Variants in AKIP1 observed in about 807,000 individuals in gnomAD.
AKIP1 encodes A-kinase interacting protein 1, also known as A-kinase-interacting protein 1.
A neutral mutation model predicts 22.3 loss-of-function variants in AKIP1; 18 were observed. The observed-to-expected ratio is 0.81, with a 90% confidence interval of 0.56 to 1.19. AKIP1 has a LOEUF of 1.19. Among genes scored for constraint, AKIP1 ranks in the 50% most tolerant of loss-of-function variants. AKIP1 has a pLI of 0.00. For missense variants in AKIP1, 287 were observed against 264.6 expected, an observed-to-expected ratio of 1.08 and a Z score of -0.59; for synonymous variants, 120 against 102.7, an observed-to-expected ratio of 1.17 and a Z score of -1.02.
intron 3 of AKIP1, among the ~76,000 whole-genome samples, chr11:8,914,259 T>C (rs2064442922): frequency 6.6e-6 from 1 of 152,186 alleles, no homozygotes; most frequent in Non-Finnish European, 1.5e-5. Context: ...ACAAGAGAAA[T>C]GTAACTGTTT....
intron 2 of AKIP1, 35 bp from the exon 3 acceptor site, chr11:8,912,418 A>C: frequency 6.0e-4 from 930 of 1,542,802 alleles, no homozygotes; most frequent in Non-Finnish European, 7.5e-4. Flanking sequence ...AGGGAATCCT[A>C]GAGCTAACCT....
At chr11:8,915,358 C>CTTTT (rs559350653) in intron 4 of AKIP1, among the ~76,000 whole-genome samples, 5 of 83,982 alleles carry the variant, frequency 6.0e-5, no homozygotes, top group African/African-American at 2.3e-4. Context: ...TTTTTTTTTT[C>CTTTT]TTTTTTTTTT....
chr11:8,912,641 G>T, intron 3 of AKIP1, 108 bp downstream of exon 3: 1 of 973,312 alleles, frequency 1.0e-6, no homozygotes. Flanking sequence ...CTCCTGCCCA[G>T]CCTTCACGGT....
At chr11:8,913,339 C>A (rs548769319) in intron 3 of AKIP1, among the ~76,000 whole-genome samples, 2 of 152,130 alleles carry the variant, frequency 1.3e-5, no homozygotes, top group African/African-American at 4.8e-5. Flanking sequence ...AGGCACATGC[C>A]ACCATGCCTG....
Position 8,911,675 on chromosome 11 carries a change from A to G in AKIP1, c.222+4A>G. On this transcript the variant is annotated splice_donor_region_variant and intron_variant, in intron 2 of 5. Transcript: ENST00000309377. Reference sequence around the variant, plus strand: ...GCAGCGCGTTCTCCCGGGAGAGGTGAGGGTCGCTGTGCCGGGGGCCGCCCC... The same window carrying G: ...GCAGCGCGTTCTCCCGGGAGAGGTGGGGGTCGCTGTGCCGGGGGCCGCCCC... 1 of 1,523,548 alleles carries G rather than the reference A, an allele frequency of 6.6e-7. No homozygotes were observed. Among genetic ancestry groups the G allele is most frequent in the Non-Finnish European group, 8.8e-7 (1 of 1,138,054 alleles). The allele number at this position is 1,523,548 out of a possible 1,614,324, so 94.4% of individuals were successfully genotyped here.
At position 8,911,223 on chromosome 11, in the gene AKIP1, G is replaced by A. The variant is rs994183739; in HGVS notation, c.-7G>A. On this transcript the variant is annotated splice_region_variant and 5_prime_UTR_variant, in exon 1 of 6. Transcript: ENST00000309377. ...CGCATGCGCCTTGACGAGTGAGCCG[G>A]GTGAGGGGGCTCCCTAAGTAGCGGA... 3 of 561,794 alleles carry A rather than the reference G, an allele frequency of 5.3e-6. 1 individual carries two copies. The highest frequency in any genetic ancestry group is 9.5e-6 in the Non-Finnish European group (3 of 317,140). 34.8% of individuals were successfully genotyped at this position (561,794 alleles called of 1,614,324 possible).
chr11:8,916,297 G>A (rs1384376150), intron 4 of AKIP1, among the ~76,000 whole-genome samples: 1 of 152,200 alleles, frequency 6.6e-6, no homozygotes, highest in Non-Finnish European at 1.5e-5. Context: ...CAAGGGAAGT[G>A]TGGGGACGGG....
intron 3 of AKIP1, among the ~76,000 whole-genome samples, chr11:8,912,815 T>C (rs570373592): frequency 1.3e-5 from 2 of 151,664 alleles, no homozygotes; most frequent in Non-Finnish European, 2.9e-5. Context: ...GGGGGGAAAA[T>C]AGCTTATTTG....
At position 8,911,499 on chromosome 11, in the gene AKIP1, C is replaced by T. The variant is rs1423701034; in HGVS notation, c.50C>T (p.Ser17Phe). ...GCGCTGAATGGGGTGGACCGACGTT[C>T]CCTGCAGCGTTCAGCAAGGCTGGCT... ...AAALNGVDRR[S>F]LQRSARLALE... Residue 17 changes from serine to phenylalanine, a missense_variant, in exon 2 of 6, where the codon TCC (serine) becomes TTC (phenylalanine). Ser to Phe is a radical substitution (Grantham distance 155). Coordinates refer to ENST00000309377, the MANE Select transcript of AKIP1 (RefSeq NM_020642.4). 4 of 1,608,446 alleles carry T rather than the reference C, an allele frequency of 2.5e-6. No individual in the cohort carries two copies. Among genetic ancestry groups the T allele is most frequent in the South Asian group, 1.1e-5 (1 of 89,548 alleles).
intron 3 of AKIP1, among the ~76,000 whole-genome samples, chr11:8,914,425 C>T (rs746368991): frequency 1.3e-5 from 2 of 152,204 alleles, no homozygotes; most frequent in Non-Finnish European, 2.9e-5. Context: ...CCTCTCTTCC[C>T]GTGTCCTGGT....
chr11:8,912,559 GC>G, intron 3 of AKIP1, 26 bp downstream of exon 3: 1 of 1,589,958 alleles, frequency 6.3e-7, no homozygotes, highest in Non-Finnish European at 8.6e-7. Flanking sequence ...CCAAAACTAT[GC>G]CCCATCACCT....
chr11:8,919,573 T>G lies in AKIP1; in HGVS notation c.*93T>G. The G allele has an allele frequency of 7.2e-7, 1 of 1,396,602 alleles. No individual in the cohort carries two copies. The highest frequency in any genetic ancestry group is 9.8e-7 in the Non-Finnish European group (1 of 1,019,224). 86.5% of individuals were successfully genotyped at this position (1,396,602 alleles called of 1,614,324 possible). A position where few individuals can be genotyped will look rare whatever the true frequency, so the allele number is the denominator to read the frequency against. On this transcript the variant is annotated 3_prime_UTR_variant, in exon 6 of 6. Transcript: ENST00000309377. ...CTTAATAGCTATACATTAATCCTGT[T>G]TTTAGTGCTGACTGGGTCAGCCTTC...
chr11:8,916,463 G>C (rs1051690787), intron 4 of AKIP1, among the ~76,000 whole-genome samples: 2 of 152,166 alleles, frequency 1.3e-5, no homozygotes, highest in Non-Finnish European at 2.9e-5. Context: ...TTTCTGAGGA[G>C]ACTAGGTTTT....
intron 3 of AKIP1, among the ~76,000 whole-genome samples, chr11:8,914,508 T>C (rs1442674067): frequency 6.6e-6 from 1 of 152,202 alleles, no homozygotes; most frequent in Non-Finnish European, 1.5e-5. Flanking sequence ...GATATGTGCA[T>C]TGGACATGGG....
At position 8,911,496 on chromosome 11, in the gene AKIP1, G is replaced by A. The variant is rs2064344328; in HGVS notation, c.47G>A (p.Arg16His). ...GCAGCGCTGAATGGGGTGGACCGAC[G>A]TTCCCTGCAGCGTTCAGCAAGGCTG... is the stretch of plus-strand genomic sequence containing the variant. ...AAAALNGVDRRSLQRSARLAL... is the reference protein window; with the variant it reads ...AAAALNGVDRHSLQRSARLAL... The change falls in exon 2 of 6, where the codon CGT becomes CAT. Residue 16 changes from arginine to histidine, a missense_variant. By Grantham distance (29) the Arg-to-His change is conservative. Transcript: ENST00000309377. 1.9e-6 allele frequency: 3 copies of A among 1,607,856 alleles called. No homozygotes were observed. The highest frequency in any genetic ancestry group is 1.1e-5 in the South Asian group (1 of 89,488).
At position 8,917,322 on chromosome 11, in the gene AKIP1, AG is replaced by A. The variant is rs750189824; in HGVS notation, c.446del (p.Gly149AlafsTer25). ...GAAAAAAGACATCCCTTGGTCCTGGAGGCAGCTATCAAATATCAGAGCATGC... is the reference window on the plus strand; with the variant it reads ...GAAAAAAGACATCCCTTGGTCCTGGAGCAGCTATCAAATATCAGAGCATGC... Reference protein sequence around the residue: ...DRKKTSLGPGGSYQISEHAPE... With the variant: ...DRKKTSLGPGXSYQISEHAPE... On this transcript the variant is annotated frameshift_variant, in exon 5 of 6. Transcript: ENST00000309377. LOFTEE classifies it high-confidence loss of function. 6.2e-7 allele frequency: 1 copy of A among 1,613,312 alleles called. No individual in the cohort carries two copies. Among genetic ancestry groups the A allele is most frequent in the Non-Finnish European group, 8.5e-7 (1 of 1,179,600 alleles).
Position 8,911,459 on chromosome 11 carries a change from T to G in AKIP1, c.10T>G (p.Cys4Gly). The change falls in exon 2 of 6, where the codon TGT becomes GGT. Residue 4 changes from cysteine to glycine, a missense_variant. Physicochemically the swap from Cys to Gly is radical, Grantham distance 159. Transcript: ENST00000309377. MDN[C>G]LAAAALNGVD... ...GCCCACTCAGGGAGCCATGGACAAC[T>G]GTTTGGCGGCCGCAGCGCTGAATGG... The G allele has an allele frequency of 1.3e-6, 2 of 1,596,874 alleles. No individual in the cohort carries two copies. Among genetic ancestry groups the G allele is most frequent in the African/African-American group, 1.3e-5 (1 of 74,846 alleles).
intron 2 of AKIP1, among the ~76,000 whole-genome samples, chr11:8,912,003 G>T (rs2064372620): frequency 6.6e-6 from 1 of 151,854 alleles, no homozygotes; most frequent in Non-Finnish European, 1.5e-5. Flanking sequence ...TTCGAAAGCA[G>T]CCTGACCAAC....
At chr11:8,915,641 A>AT (rs574171233) in intron 4 of AKIP1, among the ~76,000 whole-genome samples, 15,078 of 137,114 alleles carry the variant, frequency 0.11, 991 homozygotes, top group South Asian at 0.28. Context: ...GTCTTTGGTA[A>AT]TTTTTTTTTT....
Sources: allele counts gnomAD v4.1 joint callset (sites outside exome capture counted in the v4.1 genomes callset), GRCh38; gene constraint gnomAD v4.1.1; transcripts MANE v1.5; gene names NCBI Gene and HGNC (gene_info 2026-07-23, HGNC 2026-07-21).